Variants in NLRP13 observed in about 807,000 individuals in gnomAD.
The protein encoded by NLRP13 is NACHT, LRR and PYD domains-containing protein 13.
NLRP13 carries 82 observed loss-of-function variants against 94.4 expected under a neutral mutation model. The ratio of observed to expected loss-of-function variants is 0.87; its 90% confidence interval spans 0.73 to 1.04. The LOEUF is 1.04. Among genes scored for constraint, NLRP13 ranks in the 50% least tolerant of loss-of-function variants. The probability of loss-of-function intolerance (pLI) is 0.00; values close to 1 mark genes in which losing one functional copy is unlikely to be tolerated. For missense variants in NLRP13, 1,426 were observed against 1,230.8 expected (o/e 1.16, Z -2.37); for synonymous variants, 553 against 464.7 (o/e 1.19, Z -2.45).
chr19:55,927,277 G>C (rs1600279809), intron 1 of NLRP13, among the ~76,000 whole-genome samples: 2 of 151,554 alleles, frequency 1.3e-5, no homozygotes, highest in East Asian at 3.9e-4. Flanking sequence ...GCTGAGGCAG[G>C]AGAATCGCTT....
intron 4 of NLRP13, among the ~76,000 whole-genome samples, chr19:55,915,363 C>T (rs1212259902): frequency 6.6e-6 from 1 of 151,782 alleles, no homozygotes; most frequent in Non-Finnish European, 1.5e-5. Context: ...TTTGGGAGGC[C>T]GAAGCAGGTG....
chr19:55,915,584 CAA>C (rs1425010546), intron 4 of NLRP13, among the ~76,000 whole-genome samples: 1 of 152,082 alleles, frequency 6.6e-6, no homozygotes, highest in Non-Finnish European at 1.5e-5. Flanking sequence ...GGCAACGGGG[CAA>C]GACTCTGTCT....
At chr19:55,919,374 C>T (rs961264495) in intron 4 of NLRP13, among the ~76,000 whole-genome samples, 2 of 151,954 alleles carry the variant, frequency 1.3e-5, no homozygotes, top group African/African-American at 4.8e-5. Context: ...ATAGCCAGAG[C>T]AATCAGGCAA....
At chr19:55,895,311 G>A (rs1985976322), downstream of NLRP13, among the ~76,000 whole-genome samples, 1 of 152,120 alleles carries the variant, frequency 6.6e-6, no homozygotes, top group Non-Finnish European at 1.5e-5. Flanking sequence ...GAACCAGGAT[G>A]GGGAGGTTGT....
intron 7 of NLRP13, among the ~76,000 whole-genome samples, chr19:55,905,419 G>T (rs539843809): frequency 7.0e-6 from 1 of 143,044 alleles, no homozygotes; most frequent in Non-Finnish European, 1.5e-5. Flanking sequence ...ATATATACAC[G>T]TATATATACA....
chr19:55,896,544 C>T (rs1184036392), intron 10 of NLRP13, among the ~76,000 whole-genome samples: 3 of 139,044 alleles, frequency 2.2e-5, no homozygotes, highest in Admixed American at 7.5e-5. Context: ...AAGGGCTGGG[C>T]GCGGTGGCTC....
chr19:55,898,194 G>GTTTTT (rs1209396021), intron 10 of NLRP13, among the ~76,000 whole-genome samples: 2 of 59,272 alleles, frequency 3.4e-5, no homozygotes, highest in African/African-American at 1.6e-4. Flanking sequence ...TAGCAGGAGA[G>GTTTTT]TTTTTGTTTT....
At chr19:55,930,901 A>ATATATTT (rs1338071833) in intron 1 of NLRP13, among the ~76,000 whole-genome samples, 75 of 98,290 alleles carry the variant, frequency 7.6e-4, no homozygotes, top group Non-Finnish European at 7.9e-4. Flanking sequence ...TATATATAAA[A>ATATATTT]TTTTAACCAG....
In NLRP13 at chr19:55,923,934, G is replaced by C. The variant is rs776966604; in HGVS notation, c.503C>G (p.Pro168Arg). ...QGCQDPNQEE[P>R]EMLEEADHRR... is the part of the protein sequence containing the mutation. ...CACACCTGCTTCCTCTAGCATCTCT[G>C]GTTCTTCTTGGTTTGGATCTTGGCA... The change falls in exon 4 of 11, where the codon CCA (proline) becomes CGA (arginine). Residue 168 changes from proline to arginine, a missense_variant. Transcript: ENST00000342929. 2.5e-6 allele frequency: 4 copies of C among 1,613,428 alleles called. No homozygotes were observed. In the Admixed American group the frequency reaches 5.0e-5, roughly 20 times the overall value.
downstream of NLRP13, among the ~76,000 whole-genome samples, chr19:55,892,693 T>C (rs1465991170): frequency 6.6e-6 from 1 of 152,204 alleles, no homozygotes; most frequent in African/African-American, 2.4e-5. Context: ...AGTGCTGGAA[T>C]TAGAGGCATG....
chr19:55,911,602 A>G lies in NLRP13; in HGVS notation c.2111+104T>C, dbSNP rs906640142. ...CCAGACCATTTGGTCGGAAATAAGC[A>G]CGAATACATAACGACAACACATCCC... On this transcript the variant is annotated intron_variant, in intron 5 of 10. Coordinates refer to ENST00000342929, the MANE Select transcript of NLRP13 (RefSeq NM_176810.2). 1.9e-5 allele frequency: 21 copies of G among 1,104,244 alleles called. No homozygotes were observed. In the South Asian group the frequency reaches 3.3e-4, roughly 17 times the overall value. 68.4% of individuals were successfully genotyped at this position (1,104,244 alleles called of 1,614,324 possible).
intron 9 of NLRP13, among the ~76,000 whole-genome samples, chr19:55,899,517 C>T (rs554000713): frequency 5.9e-5 from 9 of 152,180 alleles, no homozygotes; most frequent in Admixed American, 4.6e-4. Context: ...CACGGTGGCT[C>T]ACGCCTGTAA....
intron 4 of NLRP13, among the ~76,000 whole-genome samples, chr19:55,919,219 G>A (rs1193466636): frequency 1.3e-5 from 2 of 151,972 alleles, no homozygotes; most frequent in Admixed American, 6.6e-5. Flanking sequence ...AGGAACATAT[G>A]TCAAACTAAT....
At chr19:55,910,515 G>A in intron 6 of NLRP13, 48 bp downstream of exon 6, 3 of 1,477,934 alleles carry the variant, frequency 2.0e-6, no homozygotes, top group Non-Finnish European at 2.7e-6. Flanking sequence ...GAGAAGTTGG[G>A]AGATTCTCCT....
chr19:55,891,944 C>T (rs1985860799), downstream of NLRP13: 2 of 420,848 alleles, frequency 4.8e-6, no homozygotes, highest in Non-Finnish European at 4.0e-6. Context: ...GCCAGGATGT[C>T]CTGGTGGCTT....
Position 55,898,889 on chromosome 19 carries a change from A to G in NLRP13, c.2838T>C (p.Asn946=), listed in dbSNP as rs1986088219. The G allele has an allele frequency of 6.2e-7, 1 of 1,613,730 alleles. No individual in the cohort carries two copies. The highest frequency in any genetic ancestry group is 8.5e-7 in the Non-Finnish European group (1 of 1,179,868). Residue 946 remains asparagine, a synonymous_variant, in exon 10 of 11, where the codon AAT becomes AAC. Transcript: ENST00000342929. The stretch of plus-strand genomic sequence containing the variant: ...TCACATTATGATTATGGCTGAGGGC[A>G]TTAGCCAGCTCTCCACAGCCCTCTC... ...FTREGCGELA[N]ALSHNHNVKI... is the part of the protein sequence containing the mutation.
chr19:55,931,876 G>T, intron 1 of NLRP13, 117 bp downstream of exon 1: 1 of 821,150 alleles, frequency 1.2e-6, no homozygotes, highest in East Asian at 2.6e-5. Flanking sequence ...AGATTATCAA[G>T]GAGGATTTGT....
chr19:55,904,523 T>A (rs887580262), intron 8 of NLRP13, among the ~76,000 whole-genome samples: 1 of 152,184 alleles, frequency 6.6e-6, no homozygotes, highest in African/African-American at 2.4e-5. Flanking sequence ...ATCAACCCCA[T>A]CCCTGTCATT....
In NLRP13 at chr19:55,908,589, C is replaced by G. The variant is rs1986419277; in HGVS notation, c.2283-633G>C. 1.6e-4 allele frequency among the ~76,000 whole-genome samples: 11 copies of G among 68,214 alleles called. 1 individual carries two copies. The South Asian group carries it at 4.4e-3, about 27-fold the overall frequency. The allele number at this position is 68,214 out of a possible 152,430, so 44.8% of individuals were successfully genotyped here. Reference sequence around the variant, plus strand: ...CTATACACCATGGAATACTATGCAGCCATAAAAAAAGAATGAGATCATGTC... The same window carrying G: ...CTATACACCATGGAATACTATGCAGGCATAAAAAAAGAATGAGATCATGTC... On this transcript the variant is annotated intron_variant, in intron 6 of 10. Transcript: ENST00000342929.
Sources: gnomAD v4.1 joint callset for allele counts (sites outside exome capture counted in the v4.1 genomes callset) on GRCh38, gnomAD v4.1.1 for gene constraint, MANE v1.5 for transcripts, NCBI Gene and HGNC (gene_info 2026-07-23, HGNC 2026-07-21) for gene names.